The following AGMO variants were observed in gnomAD, a reference collection of about 807,000 sequenced individuals.
AGMO encodes the protein glyceryl-ether monooxygenase.
Under a neutral mutation model 60.2 loss-of-function variants are expected in AGMO, and 75 were observed. The observed-to-expected ratio is 1.25, with a 90% confidence interval of 1.03 to 1.51. The LOEUF is 1.51. Ranked by LOEUF, AGMO falls within the 40% of genes most tolerant of loss-of-function variation. The pLI is 0.00. For synonymous variants in AGMO, 261 were observed against 177.1 expected, an observed-to-expected ratio of 1.47 and a Z score of -3.76; for missense variants, 763 against 525.5, an observed-to-expected ratio of 1.45 and a Z score of -4.42.
intron 12 of AGMO, among the ~76,000 whole-genome samples, chr7:15,246,760 T>C (rs1782754820): frequency 1.3e-5 from 2 of 152,110 alleles, no homozygotes; most frequent in African/African-American, 2.4e-5. Context: ...CCTAAGATTC[T>C]CTCAACCTCC....
rs1444937494 is a variant in AGMO at position 15,322,745 on chromosome 7, T to A, written c.1263+42769A>T. ...ATAAATATATATATAAATATATAAA[T>A]ATATATAAATATATATATCACAAAA... On this transcript the variant is annotated intron_variant, in intron 12 of 12. Coordinates refer to ENST00000342526, the MANE Select transcript of AGMO (RefSeq NM_001004320.2). Among the ~76,000 whole-genome samples the A allele has an allele frequency of 3.2e-5, 4 of 125,766 alleles. No individual in the cohort carries two copies. The Admixed American group carries it at 3.8e-4, about 12-fold the overall frequency. The allele number at this position is 125,766 out of a possible 152,430, so 82.5% of individuals were successfully genotyped here.
intron 6 of AGMO, among the ~76,000 whole-genome samples, chr7:15,391,448 T>C (rs540568920): frequency 5.3e-5 from 8 of 152,174 alleles, no homozygotes; most frequent in Non-Finnish European, 8.8e-5. Context: ...GTATTTTTCC[T>C]GCCGCTAAAT....
At chr7:15,438,958 A>C (rs1781475399) in intron 3 of AGMO, among the ~76,000 whole-genome samples, 1 of 152,226 alleles carries the variant, frequency 6.6e-6, no homozygotes, top group Non-Finnish European at 1.5e-5. Context: ...AGTTTCTTAC[A>C]GACTGTGTTC....
intron 12 of AGMO, among the ~76,000 whole-genome samples, chr7:15,250,899 T>A (rs1269318135): frequency 6.6e-6 from 1 of 151,702 alleles, no homozygotes; most frequent in Non-Finnish European, 1.5e-5. Context: ...GAGCCGAGAT[T>A]GCACCACTGC....
At chr7:15,430,629 TTA>T (rs1491312162) in intron 4 of AGMO, among the ~76,000 whole-genome samples, 7 of 106,892 alleles carry the variant, frequency 6.5e-5, no homozygotes, top group African/African-American at 2.1e-4. Context: ...CTGGTTTTTT[TTA>T]AAAAAAAAAA....
chr7:15,428,139 G>A (rs755318228), intron 4 of AGMO, among the ~76,000 whole-genome samples: 18 of 151,444 alleles, frequency 1.2e-4, no homozygotes, highest in Non-Finnish European at 1.6e-4. Context: ...AACAATGTTG[G>A]TGAGAAAAAT....
chr7:15,455,650 T>A lies in AGMO; in HGVS notation c.410-24542A>T, dbSNP rs150211905. Among the ~76,000 whole-genome samples, 1,225 of 152,260 alleles carry A rather than the reference T, an allele frequency of 8.0e-3. 17 individuals carry two copies. Among genetic ancestry groups the A allele is most frequent in the South Asian group, 0.041 (197 of 4,826 alleles). ...TGAAAATATGTTTATTCTATTCACA[T>A]GCTTGATTGATAGTTTATTTAAGTA... On this transcript the variant is annotated intron_variant, in intron 3 of 12. Coordinates refer to ENST00000342526, the MANE Select transcript of AGMO (RefSeq NM_001004320.2).
intron 12 of AGMO, among the ~76,000 whole-genome samples, chr7:15,317,909 ATATATATATACACACACG>A (rs1187173817): frequency 7.2e-5 from 9 of 125,404 alleles, no homozygotes; most frequent in South Asian, 2.3e-4. Flanking sequence ...ACACACACGT[ATATATATATACACACACG>A]TATATATATA....
rs1282559979 is a variant in AGMO, at chr7:15,274,488, GC to G, written c.1264-73130del. On this transcript the variant is annotated intron_variant, in intron 12 of 12. Coordinates refer to ENST00000342526, the MANE Select transcript of AGMO (RefSeq NM_001004320.2). ...AAGCCCACTTGATCATGGTGGATAA[GC>G]TTTTTGATGTGCTGCTGGATTTGGT... Among the ~76,000 whole-genome samples the G allele has an allele frequency of 3.3e-5, 5 of 152,132 alleles. No homozygotes were observed. The East Asian group carries it at 7.7e-4, about 23-fold the overall frequency.
intron 8 of AGMO, among the ~76,000 whole-genome samples, chr7:15,389,240 G>C (rs1257850628): frequency 2.6e-5 from 4 of 152,186 alleles, no homozygotes; most frequent in Non-Finnish European, 5.9e-5. Context: ...CATTTTAGTA[G>C]GATTCTCTGA....
intron 12 of AGMO, among the ~76,000 whole-genome samples, chr7:15,352,538 G>T (rs146261880): frequency 3.3e-5 from 5 of 151,950 alleles, no homozygotes; most frequent in African/African-American, 1.2e-4. Flanking sequence ...TTCAGGGGAG[G>T]GGGTGGTGCT....
intron 2 of AGMO, among the ~76,000 whole-genome samples, chr7:15,558,072 C>T (rs1048852801): frequency 6.6e-6 from 1 of 151,270 alleles, no homozygotes; most frequent in Non-Finnish European, 1.5e-5. Context: ...GTAAAAATAT[C>T]TCTTTTATTC....
At chr7:15,308,380 C>A (rs1169159837) in intron 12 of AGMO, among the ~76,000 whole-genome samples, 5 of 152,040 alleles carry the variant, frequency 3.3e-5, no homozygotes, top group Non-Finnish European at 7.4e-5. Flanking sequence ...TTTGCTCATT[C>A]ACCTCATTTG....
chr7:15,334,123 A>G (rs1781578699), intron 12 of AGMO, among the ~76,000 whole-genome samples: 1 of 152,088 alleles, frequency 6.6e-6, no homozygotes, highest in African/African-American at 2.4e-5. Context: ...TGATATGTAA[A>G]AAACTCATAA....
At chr7:15,135,243 T>C in the AGMO span, among the ~76,000 whole-genome samples, 1 of 151,762 alleles carries the variant, frequency 6.6e-6, no homozygotes, top group Non-Finnish European at 1.5e-5. Flanking sequence ...ACCAATCTGA[T>C]AGCTAAGAGA....
chr7:15,340,043 T>G (rs1468994344), intron 12 of AGMO, among the ~76,000 whole-genome samples: 1 of 152,168 alleles, frequency 6.6e-6, no homozygotes, highest in African/African-American at 2.4e-5. Context: ...CCAAGTTGCT[T>G]GAGACTAGAA....
Position 15,267,692 on chromosome 7 carries a change from T to C in AGMO, c.1264-66333A>G, listed in dbSNP as rs769348767. On this transcript the variant is annotated intron_variant, in intron 12 of 12. Coordinates refer to ENST00000342526, the MANE Select transcript of AGMO (RefSeq NM_001004320.2). ...TTAATGAGTAAGAGAAGATGGAAGATAAAAATGAGTGCACATATGCTCAGA... is the reference window on the plus strand; with the variant it reads ...TTAATGAGTAAGAGAAGATGGAAGACAAAAATGAGTGCACATATGCTCAGA... 2.3e-4 allele frequency among the ~76,000 whole-genome samples: 35 copies of C among 151,878 alleles called. 1 individual carries two copies. Among genetic ancestry groups the C allele is most frequent in the Admixed American group, 1.4e-3 (22 of 15,200 alleles).
intron 12 of AGMO, among the ~76,000 whole-genome samples, chr7:15,362,365 T>C (rs530885905): frequency 2.6e-5 from 4 of 152,208 alleles, no homozygotes; most frequent in Non-Finnish European, 4.4e-5. Flanking sequence ...CAGTCTTACG[T>C]TGCCATCTCA....
rs1337938120 is a variant in AGMO at position 15,365,634 on chromosome 7, C to T, written c.1158-15G>A. The T allele has an allele frequency of 3.9e-6, 6 of 1,521,758 alleles. No individual in the cohort carries two copies. The highest frequency in any genetic ancestry group is 1.1e-5 in the South Asian group (1 of 88,694). 94.3% of individuals were successfully genotyped at this position (1,521,758 alleles called of 1,614,324 possible). A position where few individuals can be genotyped will look rare whatever the true frequency, so the allele number is the denominator to read the frequency against. On this transcript the variant is annotated splice_polypyrimidine_tract_variant and intron_variant, in intron 11 of 12. Coordinates refer to ENST00000342526, the MANE Select transcript of AGMO (RefSeq NM_001004320.2). ...CTGCCTTGGGTCTGAAATAAAATGT[C>T]ATTAACATGCATTAGCTTTAAATAT...
Sources: allele counts gnomAD v4.1 joint callset (sites outside exome capture counted in the v4.1 genomes callset), GRCh38; gene constraint gnomAD v4.1.1; transcripts MANE v1.5; gene names NCBI Gene and HGNC (gene_info 2026-07-23, HGNC 2026-07-21).